The following ZNF672 variants were observed in gnomAD, a reference collection of about 807,000 sequenced individuals.
ZNF672 encodes the protein zinc finger protein 672.
For synonymous variants in ZNF672, 358 were observed against 305.6 expected (o/e 1.17, Z -1.79); for missense variants, 733 against 701.1 (o/e 1.05, Z -0.51).
At position 248,838,392 on chromosome 1, in the gene ZNF672, GC is replaced by G. The variant is rs1664608614; in HGVS notation, c.-632del. 1 of 152,228 alleles carries G rather than the reference GC, an allele frequency of 6.6e-6. No individual in the cohort carries two copies. Among genetic ancestry groups the G allele is most frequent in the Non-Finnish European group, 1.5e-5 (1 of 68,070 alleles). 9.4% of individuals were successfully genotyped at this position (152,228 alleles called of 1,614,324 possible). A position where few individuals can be genotyped will look rare whatever the true frequency, so the allele number is the denominator to read the frequency against. ...GAGCGTGACCTCCCCATCCCGAGGG[GC>G]CGGACGCTCGGGCGCCTCCCCGCTC... On this transcript the variant is annotated 5_prime_UTR_variant, in exon 1 of 4. Transcript: ENST00000306562.
intron 1 of ZNF672, among the ~76,000 whole-genome samples, chr1:248,839,873 A>G (rs114200446): frequency 0.025 from 3,673 of 148,542 alleles, 147 homozygotes; most frequent in African/African-American, 0.086. Flanking sequence ...CCAGTAGCTG[A>G]GACTACAGAC....
At position 248,848,280 on chromosome 1, in the gene ZNF672, G is replaced by C. The variant is rs557491045; in HGVS notation, c.1006G>C (p.Glu336Gln). ...LTKHRRTHTGEKPYRCELCGK... is the reference protein window; with the variant it reads ...LTKHRRTHTGQKPYRCELCGK... Reference sequence around the variant, plus strand: ...CAAGCACCGGCGCACGCACACGGGCGAGAAGCCCTACCGCTGCGAACTGTG... The same window carrying C: ...CAAGCACCGGCGCACGCACACGGGCCAGAAGCCCTACCGCTGCGAACTGTG... The change falls in exon 4 of 4, where the codon GAG becomes CAG. Residue 336 changes from glutamate to glutamine, a missense_variant. By Grantham distance (29) the Glu-to-Gln change is conservative (BLOSUM62 2). Transcript: ENST00000306562. 1.2e-5 allele frequency: 19 copies of C among 1,603,062 alleles called. No homozygotes were observed. In the South Asian group the frequency reaches 2.1e-4, roughly 18 times the overall value.
At chr1:248,840,885 G>A (rs1220520317) in intron 1 of ZNF672, among the ~76,000 whole-genome samples, 1 of 151,906 alleles carries the variant, frequency 6.6e-6, no homozygotes, top group East Asian at 1.9e-4. Context: ...TGTATATGCA[G>A]TGGGTAGTGC....
intron 1 of ZNF672, among the ~76,000 whole-genome samples, chr1:248,841,988 C>T (rs1664686172): frequency 6.6e-6 from 1 of 152,178 alleles, no homozygotes; most frequent in Non-Finnish European, 1.5e-5. Flanking sequence ...TGAGAGCAAA[C>T]TGTCATTCCT....
At position 248,848,126 on chromosome 1, in the gene ZNF672, G is replaced by A. The variant is rs749133284; in HGVS notation, c.852G>A (p.Ala284=). 8 of 1,563,390 alleles carry A rather than the reference G, an allele frequency of 5.1e-6. No homozygotes were observed. In the East Asian group the frequency reaches 7.1e-5, roughly 14 times the overall value. ...GCCATCAGGGCGAGCGGCCACATGC[G>A]TGCGCCACTTGCGGCAAGGGTTTCG... is the stretch of plus-strand genomic sequence containing the variant. ...RRSHQGERPH[A]CATCGKGFGQ... The change falls in exon 4 of 4, where the codon GCG becomes GCA. Residue 284 remains alanine, a synonymous_variant. Transcript: ENST00000306562.
Position 248,848,061 on chromosome 1 carries a change from T to G in ZNF672, c.787T>G (p.Cys263Gly). The change falls in exon 4 of 4, where the codon TGC (cysteine) becomes GGC (glycine). Residue 263 changes from cysteine (C) to glycine (G), a missense_variant. Physicochemically the swap from Cys to Gly is radical, Grantham distance 159. Coordinates refer to ENST00000306562, the MANE Select transcript of ZNF672 (RefSeq NM_024836.3). ...KPYACGDCGR[C>G]FSESSTLLRH... is the part of the protein sequence containing the mutation. ...GTACGCATGTGGCGACTGTGGACGCTGCTTCAGCGAGAGTTCCACGCTGCT... is the reference window on the plus strand; with the variant it reads ...GTACGCATGTGGCGACTGTGGACGCGGCTTCAGCGAGAGTTCCACGCTGCT... 1 of 1,547,660 alleles carries G rather than the reference T, an allele frequency of 6.5e-7. No homozygotes were observed. Among genetic ancestry groups the G allele is most frequent in the Non-Finnish European group, 8.7e-7 (1 of 1,146,550 alleles).
Position 248,848,624 on chromosome 1 carries a change from T to G in ZNF672, c.1350T>G (p.Ser450=). ...GPAEQEKPGF[S]VS Reference sequence around the variant, plus strand: ...CTGAACAGGAAAAGCCAGGGTTCTCTGTGTCCTAGTTGAGGGAGGCTTGCT... The same window carrying G: ...CTGAACAGGAAAAGCCAGGGTTCTCGGTGTCCTAGTTGAGGGAGGCTTGCT... The change falls in exon 4 of 4, where the codon TCT becomes TCG. Residue 450 remains serine, a synonymous_variant. Coordinates refer to ENST00000306562, the MANE Select transcript of ZNF672 (RefSeq NM_024836.3). 1 of 1,574,424 alleles carries G rather than the reference T, an allele frequency of 6.4e-7. No homozygotes were observed. The highest frequency in any genetic ancestry group is 8.6e-7 in the Non-Finnish European group (1 of 1,158,228).
chr1:248,842,963 G>T (rs894636714), intron 1 of ZNF672, among the ~76,000 whole-genome samples: 2 of 152,152 alleles, frequency 1.3e-5, no homozygotes, highest in Non-Finnish European at 2.9e-5. Context: ...TGGTTCTTGG[G>T]GTTGGCATTT....
At position 248,849,166 on chromosome 1, in the gene ZNF672, G is replaced by A. The variant is rs1659286789; in HGVS notation, c.*533G>A. On this transcript the variant is annotated 3_prime_UTR_variant, in exon 4 of 4. Coordinates refer to ENST00000306562, the MANE Select transcript of ZNF672 (RefSeq NM_024836.3). ...TCTGAGAAATGTGGGTATGGAGGTG[G>A]GTGGGAAAGCTCACTTCCATGAAGG... is the stretch of plus-strand genomic sequence containing the variant. The A allele has an allele frequency of 6.7e-6, 3 of 450,952 alleles. No individual in the cohort carries two copies. Among genetic ancestry groups the A allele is most frequent in the South Asian group, 4.9e-5 (3 of 60,622 alleles). 27.9% of individuals were successfully genotyped at this position (450,952 alleles called of 1,614,324 possible).
At position 248,847,190 on chromosome 1, in the gene ZNF672, T is replaced by C; in HGVS notation, c.-85T>C. 1 of 1,503,080 alleles carries C rather than the reference T, an allele frequency of 6.7e-7. No homozygotes were observed. Among genetic ancestry groups the C allele is most frequent in the Non-Finnish European group, 9.0e-7 (1 of 1,117,212 alleles). 93.1% of individuals were successfully genotyped at this position (1,503,080 alleles called of 1,614,324 possible). The stretch of plus-strand genomic sequence containing the variant: ...TCTGTTACAGTGCCCTTTCCAGGCC[T>C]TAAGAGAAGTAAAACTTAGCTGCAG... On this transcript the variant is annotated 5_prime_UTR_variant, in exon 4 of 4. Coordinates refer to ENST00000306562, the MANE Select transcript of ZNF672 (RefSeq NM_024836.3).
intron 1 of ZNF672, chr1:248,838,961 G>T (rs1023968539): frequency 3.3e-5 from 5 of 152,276 alleles, no homozygotes; most frequent in Admixed American, 1.3e-4. Context: ...GTAGGCTCGG[G>T]GTTGGGAAGG....
intron 3 of ZNF672, among the ~76,000 whole-genome samples, chr1:248,846,024 A>G (rs919296880): frequency 2.6e-5 from 4 of 152,344 alleles, no homozygotes; most frequent in East Asian, 1.9e-4. Context: ...GCCCGGAGCA[A>G]CCTGTCAGAA....
At chr1:248,841,401 T>C (rs1380989297) in intron 1 of ZNF672, among the ~76,000 whole-genome samples, 1 of 152,158 alleles carries the variant, frequency 6.6e-6, no homozygotes, top group Non-Finnish European at 1.5e-5. Flanking sequence ...CAGGACAAGC[T>C]CCCACTATGT....
At position 248,849,258 on chromosome 1, in the gene ZNF672, C is replaced by G; in HGVS notation, c.*625C>G. The stretch of plus-strand genomic sequence containing the variant: ...GCCAGTCACGTGAAGGTGGGCAGGG[C>G]CCTTAGCATGGCCACACATGTCCCC... On this transcript the variant is annotated 3_prime_UTR_variant, in exon 4 of 4. Coordinates refer to ENST00000306562, the MANE Select transcript of ZNF672 (RefSeq NM_024836.3). 2 of 388,220 alleles carry G rather than the reference C, an allele frequency of 5.2e-6. No individual in the cohort carries two copies. The highest frequency in any genetic ancestry group is 5.2e-6 in the Non-Finnish European group (1 of 191,680). 24.0% of individuals were successfully genotyped at this position (388,220 alleles called of 1,614,324 possible). A position where few individuals can be genotyped will look rare whatever the true frequency, so the allele number is the denominator to read the frequency against.
At position 248,847,701 on chromosome 1, in the gene ZNF672, C is replaced by T; in HGVS notation, c.427C>T (p.Leu143Phe). Residue 143 changes from leucine (L) to phenylalanine (F), a missense_variant, in exon 4 of 4, where the codon CTC (leucine) becomes TTC (phenylalanine). Transcript: ENST00000306562. ...CARTFRQSAL[L>F]FHQARAHPLG... ...CCGCACCTTCCGGCAGAGCGCGCTG[C>T]TCTTCCACCAGGCGCGGGCGCACCC... is the stretch of plus-strand genomic sequence containing the variant. The T allele has an allele frequency of 6.8e-7, 1 of 1,463,120 alleles. No homozygotes were observed. Among genetic ancestry groups the T allele is most frequent in the South Asian group, 1.3e-5 (1 of 74,086 alleles). The allele number at this position is 1,463,120 out of a possible 1,614,324, so 90.6% of individuals were successfully genotyped here.
At chr1:248,844,238 A>T (rs1180173250) in intron 1 of ZNF672, among the ~76,000 whole-genome samples, 1 of 151,936 alleles carries the variant, frequency 6.6e-6, no homozygotes, top group African/African-American at 2.4e-5. Flanking sequence ...TTTTAGTTAT[A>T]TGTATAGTAT....
chr1:248,847,752 G>GCCCCA lies in ZNF672; in HGVS notation c.486_490dup (p.Arg164ProfsTer53). The GCCCCA allele has an allele frequency of 6.7e-7, 1 of 1,486,088 alleles. No individual in the cohort carries two copies. Among genetic ancestry groups the GCCCCA allele is most frequent in the Non-Finnish European group, 8.9e-7 (1 of 1,119,826 alleles). The allele number at this position is 1,486,088 out of a possible 1,614,324, so 92.1% of individuals were successfully genotyped here. ...CTTGGGGACAACCTCTGACCCTGCT[G>GCCCCA]CCCCACCCCACCGCTGCGCGCAGTG... On this transcript the variant is annotated frameshift_variant, in exon 4 of 4. Transcript: ENST00000306562. LOFTEE classifies it low-confidence loss of function (END_TRUNC).
At position 248,848,711 on chromosome 1, in the gene ZNF672, A is replaced by C; in HGVS notation, c.*78A>C. 6.7e-7 allele frequency: 1 copy of C among 1,484,296 alleles called. No homozygotes were observed. Among genetic ancestry groups the C allele is most frequent in the Non-Finnish European group, 9.0e-7 (1 of 1,117,310 alleles). 91.9% of individuals were successfully genotyped at this position (1,484,296 alleles called of 1,614,324 possible). ...TAGTATCACGGGGACAGTTGAGGCAACTCGTAGATGGAGATTTGGGAAAAG... is the reference window on the plus strand; with the variant it reads ...TAGTATCACGGGGACAGTTGAGGCACCTCGTAGATGGAGATTTGGGAAAAG... On this transcript the variant is annotated 3_prime_UTR_variant, in exon 4 of 4. Transcript: ENST00000306562.
chr1:248,847,795 G>A lies in ZNF672; in HGVS notation c.521G>A (p.Ser174Asn), dbSNP rs2103030520. ...GCGCAGTGCCCGCGAGCCTTCCGAAGCGGCGCCGGGCTGCGGAGTCACGCG... is the reference window on the plus strand; with the variant it reads ...GCGCAGTGCCCGCGAGCCTTCCGAAACGGCGCCGGGCTGCGGAGTCACGCG... ...RCAQCPRAFR[S>N]GAGLRSHARI... Residue 174 changes from serine (S) to asparagine (N), a missense_variant, in exon 4 of 4, where the codon AGC becomes AAC. Physicochemically the swap from Ser to Asn is conservative, Grantham distance 46. Coordinates refer to ENST00000306562, the MANE Select transcript of ZNF672 (RefSeq NM_024836.3). The A allele has an allele frequency of 6.5e-7, 1 of 1,540,432 alleles. No individual in the cohort carries two copies. The highest frequency in any genetic ancestry group is 2.4e-5 in the East Asian group (1 of 41,094).
Sources: gnomAD v4.1 joint callset for allele counts (sites outside exome capture counted in the v4.1 genomes callset) on GRCh38, gnomAD v4.1.1 for gene constraint, MANE v1.5 for transcripts, NCBI Gene and HGNC (gene_info 2026-07-23, HGNC 2026-07-21) for gene names.